ITFG1: variants seen among roughly 807,000 people sequenced by gnomAD.
The protein encoded by ITFG1 is T-cell immunomodulatory protein.
ITFG1 carries 34 observed loss-of-function variants against 81.8 expected under a neutral mutation model. The ratio of observed to expected loss-of-function variants is 0.42; its 90% CI spans 0.32 to 0.55. The LOEUF (loss-of-function observed/expected upper bound fraction) is 0.55. Among genes scored for constraint, ITFG1 ranks in the 20% least tolerant of loss-of-function variants. The probability of loss-of-function intolerance (pLI) is 0.17; values close to 1 mark genes in which losing one functional copy is unlikely to be tolerated. For missense variants in ITFG1, 672 were observed against 755.4 expected, an observed-to-expected ratio of 0.89 and a Z score of 1.29; for synonymous variants, 285 against 270.6, an observed-to-expected ratio of 1.05 and a Z score of -0.52.
intron 10 of ITFG1, among the ~76,000 whole-genome samples, chr16:47,265,296 A>T (rs1314530508): frequency 6.6e-6 from 1 of 151,990 alleles, no homozygotes; most frequent in Non-Finnish European, 1.5e-5. Context: ...AAGGAAGTCT[A>T]TCAGGCAGAT....
At chr16:47,408,791 T>C (rs994217177) in intron 6 of ITFG1, among the ~76,000 whole-genome samples, 1 of 152,228 alleles carries the variant, frequency 6.6e-6, no homozygotes, top group African/African-American at 2.4e-5. Flanking sequence ...CAAAGGTAAC[T>C]GCGTAGGGCA....
Position 47,300,630 on chromosome 16 carries a change from C to G in ITFG1, c.1070+10610G>C, listed in dbSNP as rs967328483. On this transcript the variant is annotated intron_variant, in intron 10 of 17. Transcript: ENST00000320640. Reference sequence around the variant, plus strand: ...CACAGCTGAAGGGCTGCTGTCTATGCATCTCCAAGATTTTAACAATAAATT... The same window carrying G: ...CACAGCTGAAGGGCTGCTGTCTATGGATCTCCAAGATTTTAACAATAAATT... Among the ~76,000 whole-genome samples the G allele has an allele frequency of 3.3e-4, 50 of 152,332 alleles. 1 individual carries two copies. Among genetic ancestry groups the G allele is most frequent in the Non-Finnish European group, 1.5e-4 (10 of 68,022 alleles).
At chr16:47,356,781 G>A (rs901839211) in intron 8 of ITFG1, among the ~76,000 whole-genome samples, 1 of 152,144 alleles carries the variant, frequency 6.6e-6, no homozygotes, top group Non-Finnish European at 1.5e-5. Flanking sequence ...GTGGAGTTAC[G>A]GAGGGGAAAA....
chr16:47,380,488 T>G (rs1262072569), intron 6 of ITFG1, among the ~76,000 whole-genome samples: 3 of 152,078 alleles, frequency 2.0e-5, no homozygotes, highest in Non-Finnish European at 4.4e-5. Context: ...GATGGACAGG[T>G]AGGAGAAAGG....
At chr16:47,241,079 A>C (rs527525726) in intron 12 of ITFG1, among the ~76,000 whole-genome samples, 12 of 152,308 alleles carry the variant, frequency 7.9e-5, no homozygotes, top group African/African-American at 2.2e-4. Context: ...AAAAAAAAAA[A>C]AAAACTCACA....
At chr16:47,454,403 C>T (rs757914358) in intron 2 of ITFG1, among the ~76,000 whole-genome samples, 1 of 151,950 alleles carries the variant, frequency 6.6e-6, no homozygotes, top group Non-Finnish European at 1.5e-5. Flanking sequence ...CGAGAGAAAA[C>T]GTGTTTATTA....
intron 13 of ITFG1, among the ~76,000 whole-genome samples, chr16:47,231,405 A>G (rs1380215029): frequency 6.6e-6 from 1 of 151,670 alleles, no homozygotes; most frequent in Non-Finnish European, 1.5e-5. Context: ...TATTTGAAGG[A>G]AAAAAAAATC....
chr16:47,372,280 T>C (rs751688716), intron 7 of ITFG1, among the ~76,000 whole-genome samples: 40 of 152,182 alleles, frequency 2.6e-4, no homozygotes, highest in Admixed American at 2.1e-3. Context: ...GGTCTTGCTC[T>C]GTCGCTCAGG....
At chr16:47,327,960 A>G (rs1205945788) in intron 8 of ITFG1, among the ~76,000 whole-genome samples, 3 of 152,220 alleles carry the variant, frequency 2.0e-5, no homozygotes, top group African/African-American at 4.8e-5. Flanking sequence ...TGACCCAGCC[A>G]TCCCATTACT....
chr16:47,243,973 G>T lies in ITFG1; in HGVS notation c.1331-5965C>A, dbSNP rs549109956. On this transcript the variant is annotated intron_variant, in intron 12 of 17. Coordinates refer to ENST00000320640, the MANE Select transcript of ITFG1 (RefSeq NM_030790.5). ...TTGAACCTGGGAGGCGGAAGTTGCA[G>T]TGAGCTGAGATTGCACCACTGGACT... Among the ~76,000 whole-genome samples, 135 of 152,330 alleles carry T rather than the reference G, an allele frequency of 8.9e-4. 2 individuals carry two copies. The Middle Eastern group carries it at 0.024, about 27-fold the overall frequency.
At chr16:47,429,040 C>A in intron 5 of ITFG1, 142 bp from the exon 6 acceptor site, 1 of 603,948 alleles carries the variant, frequency 1.7e-6, no homozygotes, top group Non-Finnish European at 2.9e-6. Flanking sequence ...TCTTAAAGTG[C>A]AGTGAGTGGT....
At chr16:47,239,373 G>C (rs1183443459) in intron 12 of ITFG1, among the ~76,000 whole-genome samples, 1 of 151,926 alleles carries the variant, frequency 6.6e-6, no homozygotes, top group Non-Finnish European at 1.5e-5. Flanking sequence ...GCTAATTTTT[G>C]TATTTTTAGT....
At chr16:47,197,532 A>T (rs944784791) in intron 14 of ITFG1, among the ~76,000 whole-genome samples, 6 of 152,338 alleles carry the variant, frequency 3.9e-5, no homozygotes, top group African/African-American at 1.4e-4. Context: ...TAAAATGTAT[A>T]AAATCTAACT....
intron 2 of ITFG1, among the ~76,000 whole-genome samples, chr16:47,458,461 T>C (rs1222014706): frequency 6.6e-6 from 1 of 152,176 alleles, no homozygotes; most frequent in Non-Finnish European, 1.5e-5. Flanking sequence ...CACTGACCCA[T>C]CTCTTCTTGC....
At chr16:47,352,452 GA>G (rs1315413053) in intron 8 of ITFG1, among the ~76,000 whole-genome samples, 2 of 152,136 alleles carry the variant, frequency 1.3e-5, no homozygotes, top group Non-Finnish European at 1.5e-5. Context: ...AAAAACACAT[GA>G]AAAAATGCTC....
At chr16:47,341,424 A>G (rs1388445833) in intron 8 of ITFG1, among the ~76,000 whole-genome samples, 1 of 150,248 alleles carries the variant, frequency 6.7e-6, no homozygotes, top group Non-Finnish European at 1.5e-5. Context: ...AAAGAAAAAA[A>G]AAAAGAAAAT....
intron 13 of ITFG1, among the ~76,000 whole-genome samples, chr16:47,235,019 C>T (rs1007008917): frequency 7.9e-5 from 12 of 152,206 alleles, no homozygotes; most frequent in African/African-American, 1.4e-4. Flanking sequence ...TCCTCCCCAG[C>T]CATGCAGAAC....
At chr16:47,211,986 C>T (rs1228241328) in intron 14 of ITFG1, among the ~76,000 whole-genome samples, 2 of 151,046 alleles carry the variant, frequency 1.3e-5, no homozygotes, top group African/African-American at 2.4e-5. Context: ...GTCTCAAATT[C>T]CTAGGCTCAA....
intron 14 of ITFG1, among the ~76,000 whole-genome samples, chr16:47,204,453 C>CT (rs1256811164): frequency 6.6e-6 from 1 of 152,198 alleles, no homozygotes; most frequent in East Asian, 1.9e-4. Flanking sequence ...TAAACTGCTT[C>CT]TAAAGATAAT....
Sources: gnomAD v4.1 joint callset for allele counts (sites outside exome capture counted in the v4.1 genomes callset) on GRCh38, gnomAD v4.1.1 for gene constraint, MANE v1.5 for transcripts, NCBI Gene and HGNC (gene_info 2026-07-23, HGNC 2026-07-21) for gene names.